ASTN1: variants seen among roughly 807,000 people sequenced by gnomAD.
ASTN1 encodes the protein astrotactin 1, also known as astrotactin-1.
In ASTN1, 41 loss-of-function variants were observed where a neutral mutation model predicts 140.7. That is an observed-to-expected ratio of 0.29 (90% confidence interval 0.23 to 0.38). The LOEUF is 0.38. Among genes scored for constraint, ASTN1 ranks in the 10% least tolerant of loss-of-function variants. ASTN1 has a pLI of 1.00. For synonymous variants in ASTN1, 640 were observed against 652.2 expected (o/e 0.98, Z 0.29); for missense variants, 1,479 against 1,678.8 (o/e 0.88, Z 2.08).
intron 16 of ASTN1, among the ~76,000 whole-genome samples, chr1:176,921,582 A>T (rs1175370584): frequency 6.6e-6 from 1 of 152,250 alleles, no homozygotes; most frequent in African/African-American, 2.4e-5. Flanking sequence ...TGGTAGCTGG[A>T]AACTTACAAT....
chr1:177,091,046 G>T (rs1679725166), intron 1 of ASTN1, among the ~76,000 whole-genome samples: 1 of 151,924 alleles, frequency 6.6e-6, no homozygotes, highest in African/African-American at 2.4e-5. Context: ...TGGTGAAAGG[G>T]GAAGTCCTGC....
Position 176,864,491 on chromosome 1 carries a change from C to T in ASTN1, c.3678G>A (p.Gly1226=). 1 of 1,614,098 alleles carries T rather than the reference C, an allele frequency of 6.2e-7. No individual in the cohort carries two copies. The highest frequency in any genetic ancestry group is 8.5e-7 in the Non-Finnish European group (1 of 1,180,002). Residue 1226 remains glycine (G), a synonymous_variant, in exon 23 of 23, where the codon GGG becomes GGA. Transcript: ENST00000361833. ...GTCCATTGCACCAACTGCTGAGGTC[C>T]CCAAGCTGGGAAAGGATGAGACCAG... ...RKAGLILSQL[G]DLSSWCNGLL...
intron 17 of ASTN1, among the ~76,000 whole-genome samples, chr1:176,888,416 T>A (rs1053776208): frequency 6.6e-6 from 1 of 152,162 alleles, no homozygotes; most frequent in African/African-American, 2.4e-5. Context: ...CCATCTCCCT[T>A]TACCGTAACA....
Position 177,066,993 on chromosome 1 carries a change from G to A in ASTN1, c.284-5728C>T, listed in dbSNP as rs537418913. On this transcript the variant is annotated intron_variant, in intron 1 of 22. Transcript: ENST00000361833. The stretch of plus-strand genomic sequence containing the variant: ...AACCCTGCAGTCTTTCAAGGTTGAG[G>A]TTGACACTCCCTGATGGCTATGACT... 2.0e-5 allele frequency among the ~76,000 whole-genome samples: 3 copies of A among 152,188 alleles called. No homozygotes were observed. In the East Asian group the frequency reaches 5.8e-4, roughly 29 times the overall value.
chr1:177,035,914 G>C (rs1676691520), intron 2 of ASTN1, among the ~76,000 whole-genome samples: 1 of 152,188 alleles, frequency 6.6e-6, no homozygotes. Flanking sequence ...ATAACTTATA[G>C]GGAGCTAGAA....
intron 14 of ASTN1, among the ~76,000 whole-genome samples, chr1:176,939,129 G>T (rs924255291): frequency 6.6e-6 from 1 of 151,368 alleles, no homozygotes; most frequent in African/African-American, 2.4e-5. Flanking sequence ...AAAAAAGAAA[G>T]TTCTTTGAGA....
intron 8 of ASTN1, among the ~76,000 whole-genome samples, chr1:176,972,830 G>A (rs1673197922): frequency 6.6e-6 from 1 of 152,146 alleles, no homozygotes. Flanking sequence ...TCGTGTAAGT[G>A]CAGGAGCCAG....
intron 20 of ASTN1, among the ~76,000 whole-genome samples, chr1:176,877,757 C>T (rs1393777376): frequency 6.6e-6 from 1 of 152,144 alleles, no homozygotes; most frequent in Non-Finnish European, 1.5e-5. Flanking sequence ...TGCTGTGTCA[C>T]CACAGGAGGC....
intron 21 of ASTN1, among the ~76,000 whole-genome samples, chr1:176,870,532 T>C (rs942979547): frequency 6.6e-6 from 1 of 152,224 alleles, no homozygotes; most frequent in Non-Finnish European, 1.5e-5. Context: ...CCTGAGTGGC[T>C]AGCACAAGGC....
At chr1:176,874,145 C>A (rs1480627920) in intron 21 of ASTN1, among the ~76,000 whole-genome samples, 1 of 152,174 alleles carries the variant, frequency 6.6e-6, no homozygotes, top group Non-Finnish European at 1.5e-5. Flanking sequence ...ATAGCAGAGG[C>A]ACCTTCTCGC....
intron 22 of ASTN1, among the ~76,000 whole-genome samples, chr1:176,867,077 G>A (rs1244519090): frequency 2.0e-5 from 3 of 151,728 alleles, no homozygotes; most frequent in Admixed American, 6.6e-5. Flanking sequence ...TGCAGTCAGC[G>A]GTGGCCTTAC....
Position 176,861,811 on chromosome 1 carries a change from A to C in ASTN1, c.*2473T>G, listed in dbSNP as rs1008232103. The C allele has an allele frequency of 2.0e-6, 2 of 985,474 alleles. No homozygotes were observed. The highest frequency in any genetic ancestry group is 2.4e-6 in the Non-Finnish European group (2 of 829,964). 61.0% of individuals were successfully genotyped at this position (985,474 alleles called of 1,614,324 possible). On this transcript the variant is annotated 3_prime_UTR_variant, in exon 23 of 23. Coordinates refer to ENST00000361833, the MANE Select transcript of ASTN1 (RefSeq NM_004319.3). ...GTCACAGAAAGAAGAAGTAAAAGAC[A>C]AAGATAAAGAAGGTAGAGGAACTTG...
rs187165173 is a variant in ASTN1, at chr1:177,126,329, C to T, written c.283+38065G>A. 1.8e-3 allele frequency among the ~76,000 whole-genome samples: 276 copies of T among 152,264 alleles called. 1 individual carries two copies. Among genetic ancestry groups the T allele is most frequent in the African/African-American group, 6.4e-3 (265 of 41,552 alleles). The stretch of plus-strand genomic sequence containing the variant: ...TTGCTGCTTAGGAATAGCTACTTGA[C>T]TGAGAGTGACAGATCCTCCTTCCCT... On this transcript the variant is annotated intron_variant, in intron 1 of 22. Transcript: ENST00000361833.
At chr1:176,895,373 T>C (rs1669461099) in intron 16 of ASTN1, among the ~76,000 whole-genome samples, 1 of 152,202 alleles carries the variant, frequency 6.6e-6, no homozygotes, top group Admixed American at 6.5e-5. Flanking sequence ...TTATGATAAC[T>C]CTCTGCATGG....
Position 177,027,748 on chromosome 1 carries a change from GTGTGTGTGTGTGTGTA to G in ASTN1, c.1120+1870_1120+1885del, listed in dbSNP as rs1676200227. 4.6e-5 allele frequency among the ~76,000 whole-genome samples: 6 copies of G among 131,252 alleles called. 1 individual carries two copies. Among genetic ancestry groups the G allele is most frequent in the Admixed American group, 4.1e-4 (5 of 12,304 alleles). The allele number at this position is 131,252 out of a possible 152,430, so 86.1% of individuals were successfully genotyped here. ...TGTGTGTGTGTGTGTGTGTGTGTGT[GTGTGTGTGTGTGTGTA>G]TGTGTATATATACATATATATAAAA... On this transcript the variant is annotated intron_variant, in intron 5 of 22. Transcript: ENST00000361833.
chr1:177,075,783 A>G (rs1678872720), intron 1 of ASTN1, among the ~76,000 whole-genome samples: 2 of 151,150 alleles, frequency 1.3e-5, no homozygotes, highest in Non-Finnish European at 2.9e-5. Flanking sequence ...AGTAGCTGGG[A>G]CTACAGATGT....
chr1:177,130,718 G>C (rs541905505), intron 1 of ASTN1, among the ~76,000 whole-genome samples: 1 of 152,070 alleles, frequency 6.6e-6, no homozygotes. Flanking sequence ...AAGGCCCATC[G>C]CACACTGTCA....
chr1:177,038,270 A>G (rs1404800912), intron 2 of ASTN1, among the ~76,000 whole-genome samples: 1 of 152,224 alleles, frequency 6.6e-6, no homozygotes, highest in Non-Finnish European at 1.5e-5. Flanking sequence ...AACCCTCCAC[A>G]TAACTCTAAC....
At chr1:177,007,600 T>C (rs558835391) in intron 8 of ASTN1, among the ~76,000 whole-genome samples, 14 of 152,278 alleles carry the variant, frequency 9.2e-5, no homozygotes, top group Admixed American at 2.0e-4. Context: ...GTACAGATTC[T>C]GGGCCCTCTC....
Sources: allele counts gnomAD v4.1 joint callset (sites outside exome capture counted in the v4.1 genomes callset), GRCh38; gene constraint gnomAD v4.1.1; transcripts MANE v1.5; gene names NCBI Gene and HGNC (gene_info 2026-07-23, HGNC 2026-07-21).